The following TRERF1 variants were observed in gnomAD, a reference collection of about 807,000 sequenced individuals.
TRERF1 encodes the protein transcriptional regulating factor 1.
In TRERF1, 27 loss-of-function variants were observed where a neutral mutation model predicts 122.9. That is an observed-to-expected ratio of 0.22 (90% CI 0.16 to 0.30). TRERF1 has a LOEUF of 0.30. TRERF1 is among the 10% of genes least tolerant of loss of function. TRERF1 has a pLI of 1.00. For missense variants in TRERF1, 1,248 were observed against 1,560.3 expected (o/e 0.80, Z 3.37); for synonymous variants, 636 against 641.7 (o/e 0.99, Z 0.13).
chr6:42,326,069 G>A (rs1037238099), intron 3 of TRERF1, among the ~76,000 whole-genome samples: 12 of 152,142 alleles, frequency 7.9e-5, no homozygotes, highest in Admixed American at 1.3e-4. Context: ...TGGGTACTAT[G>A]TTCACTACCT....
chr6:42,326,458 C>T (rs536375859), intron 3 of TRERF1, among the ~76,000 whole-genome samples: 1 of 152,162 alleles, frequency 6.6e-6, no homozygotes, highest in African/African-American at 2.4e-5. Flanking sequence ...GATCATGCAA[C>T]AAATTAGACA....
At chr6:42,386,609 T>C (rs1182457694) in intron 2 of TRERF1, among the ~76,000 whole-genome samples, 2 of 152,088 alleles carry the variant, frequency 1.3e-5, no homozygotes, top group African/African-American at 4.8e-5. Context: ...AGGGGACAGG[T>C]CTGTGCAGCA....
chr6:42,350,714 G>A (rs1344858327), intron 3 of TRERF1, among the ~76,000 whole-genome samples: 1 of 152,170 alleles, frequency 6.6e-6, no homozygotes, highest in Non-Finnish European at 1.5e-5. Context: ...GTTTTAAAAT[G>A]TTATTAATCT....
chr6:42,315,904 C>A (rs1231735036), intron 3 of TRERF1, among the ~76,000 whole-genome samples: 1 of 152,052 alleles, frequency 6.6e-6, no homozygotes, highest in Non-Finnish European at 1.5e-5. Context: ...GCTCTCCTTT[C>A]AGGGGAGAGG....
rs1435280612 is a variant in TRERF1, at chr6:42,228,620, G to A, written c.3328C>T (p.Gln1110Ter). 1 of 1,613,518 alleles carries A rather than the reference G, an allele frequency of 6.2e-7. No homozygotes were observed. The highest frequency in any genetic ancestry group is 8.5e-7 in the Non-Finnish European group (1 of 1,179,878). Residue 1110 changes from glutamine (Q) to a stop codon, truncating the protein, a stop_gained, in exon 18 of 18, where the codon CAG becomes TAG. Coordinates refer to ENST00000372922, the Ensembl canonical transcript of TRERF1. LOFTEE classifies it high-confidence loss of function. The surrounding 1 kb of genome is among the most constrained non-coding windows in gnomAD (Gnocchi z 4.2). ...TTTTGCCTCTGTTGTTCCTCCTGCT[G>A]CCTGTGAGTTTTCATGTGTGCATTT...
At chr6:42,258,478 G>A (rs1777165317) in intron 9 of TRERF1, among the ~76,000 whole-genome samples, 2 of 152,236 alleles carry the variant, frequency 1.3e-5, no homozygotes, top group African/African-American at 4.8e-5. Flanking sequence ...TCCAGAAAGA[G>A]ATCCTAGCCT....
intron 3 of TRERF1, among the ~76,000 whole-genome samples, chr6:42,355,942 T>C (rs1770460031): frequency 6.6e-6 from 1 of 152,246 alleles, no homozygotes; most frequent in Non-Finnish European, 1.5e-5. Context: ...TTGGATGTGT[T>C]GAACCATTCA....
chr6:42,377,920 T>C (rs1206427960), intron 2 of TRERF1, among the ~76,000 whole-genome samples: 3 of 152,226 alleles, frequency 2.0e-5, no homozygotes, highest in Non-Finnish European at 2.9e-5. Context: ...CAGGACCCCA[T>C]GCTTGCTGAA....
At chr6:42,395,318 G>T (rs1317976878) in intron 2 of TRERF1, among the ~76,000 whole-genome samples, 1 of 152,196 alleles carries the variant, frequency 6.6e-6, no homozygotes, top group Admixed American at 6.5e-5. Flanking sequence ...AACCCAAGAT[G>T]GGGGTAGAGC....
chr6:42,320,402 T>G (rs1229357962), intron 3 of TRERF1, among the ~76,000 whole-genome samples: 2 of 151,810 alleles, frequency 1.3e-5, no homozygotes, highest in Admixed American at 1.3e-4. Flanking sequence ...TCAAGAAGGG[T>G]TGAGATCAAT....
intron 4 of TRERF1, among the ~76,000 whole-genome samples, chr6:42,278,317 T>C (rs372594159): frequency 6.6e-6 from 1 of 152,144 alleles, no homozygotes; most frequent in East Asian, 1.9e-4. Flanking sequence ...CGATGTTAAA[T>C]TGATGTAACT....
At chr6:42,451,065 TCTC>T (rs1788395918) in intron 2 of TRERF1, 109 bp downstream of exon 2, 1 of 151,898 alleles carries the variant, frequency 6.6e-6, no homozygotes. Context: ...GGGGGAGACT[TCTC>T]CTTCTGTCTC....
chr6:42,357,471 A>G (rs943015036), intron 3 of TRERF1, among the ~76,000 whole-genome samples: 2 of 152,196 alleles, frequency 1.3e-5, no homozygotes, highest in African/African-American at 2.4e-5. Flanking sequence ...ACAGACAATA[A>G]CTGTAGGTGT....
intron 3 of TRERF1, among the ~76,000 whole-genome samples, chr6:42,311,967 T>C (rs900925739): frequency 2.0e-5 from 3 of 152,102 alleles, no homozygotes; most frequent in Admixed American, 6.5e-5. Flanking sequence ...AAATTATCTA[T>C]TGGGCCAATG....
At chr6:42,321,033 G>A (rs1040176695) in intron 3 of TRERF1, among the ~76,000 whole-genome samples, 12 of 152,092 alleles carry the variant, frequency 7.9e-5, no homozygotes, top group Middle Eastern at 3.4e-3. Context: ...CCAGAACAAC[G>A]GAGGGCAGGA....
At chr6:42,386,563 C>A (rs879842414) in intron 2 of TRERF1, among the ~76,000 whole-genome samples, 3 of 152,136 alleles carry the variant, frequency 2.0e-5, no homozygotes, top group Non-Finnish European at 4.4e-5. Context: ...TGGCATGGAG[C>A]GTGGACAAAA....
At chr6:42,255,397 T>C (rs554370678) in intron 12 of TRERF1, among the ~76,000 whole-genome samples, 1 of 152,362 alleles carries the variant, frequency 6.6e-6, no homozygotes, top group Admixed American at 6.5e-5. Flanking sequence ...ATAAACTGTT[T>C]CAAATCAGCC....
intron 3 of TRERF1, among the ~76,000 whole-genome samples, chr6:42,316,358 T>C (rs1582995914): frequency 6.6e-6 from 1 of 152,194 alleles, no homozygotes; most frequent in East Asian, 1.9e-4. Flanking sequence ...GAACCCTTCC[T>C]GGTCACTATC....
At chr6:42,400,977 C>T (rs35983109) in intron 2 of TRERF1, among the ~76,000 whole-genome samples, 2,325 of 152,342 alleles carry the variant, frequency 0.015, 22 homozygotes, top group Non-Finnish European at 0.023. Context: ...ACCTCTTCTG[C>T]TTCACTGGCC....
Sources: gnomAD v4.1 joint callset for allele counts (sites outside exome capture counted in the v4.1 genomes callset) on GRCh38, gnomAD v4.1.1 for gene constraint, Gnocchi (gnomAD v3.1) non-coding constraint, MANE v1.5 for transcripts, NCBI Gene and HGNC (gene_info 2026-07-23, HGNC 2026-07-21) for gene names.